Variants in TAX1BP1 observed in about 807,000 individuals in gnomAD.
TAX1BP1 encodes the protein Tax1 binding protein 1.
TAX1BP1 carries 62 observed loss-of-function variants against 97.7 expected under a neutral mutation model. That is an observed-to-expected ratio of 0.63 (90% CI 0.52 to 0.78). TAX1BP1 has a LOEUF of 0.78. TAX1BP1 is among the 30% of genes least tolerant of loss of function. The pLI is 0.00. For missense variants in TAX1BP1, 867 were observed against 916.1 expected (o/e 0.95, Z 0.69); for synonymous variants, 340 against 304.2 (o/e 1.12, Z -1.23).
In TAX1BP1 at chr7:27,794,442, T is replaced by C. The variant is rs773949427; in HGVS notation, c.1530T>C (p.Ser510=). The C allele has an allele frequency of 1.2e-6, 2 of 1,603,726 alleles. No individual in the cohort carries two copies. Among genetic ancestry groups the C allele is most frequent in the South Asian group, 2.3e-5 (2 of 88,520 alleles). ...CTGTAGATGTAAAGCCATCACCTTC[T>C]GCAGGTAAAAATCTTTTAGACTTTT... The part of the protein sequence containing the change: ...ASTVDVKPSP[S]AAEADFDIVT... The change falls in exon 11 of 17, where the codon TCT becomes TCC. Residue 510 remains serine (S), a synonymous_variant. Transcript: ENST00000396319.
chr7:27,828,877 A>AC lies in TAX1BP1; in HGVS notation c.*48_*49insC. 3 of 1,493,476 alleles carry AC rather than the reference A, an allele frequency of 2.0e-6. No homozygotes were observed. The highest frequency in any genetic ancestry group is 2.7e-6 in the Non-Finnish European group (3 of 1,103,148). The allele number at this position is 1,493,476 out of a possible 1,614,324, so 92.5% of individuals were successfully genotyped here. On this transcript the variant is annotated 3_prime_UTR_variant, in exon 17 of 17. Coordinates refer to ENST00000396319, the MANE Select transcript of TAX1BP1 (RefSeq NM_006024.7). The stretch of plus-strand genomic sequence containing the variant: ...ATAGTTTAGCAGTAAAAAAAAAAAA[A>AC]AAAACCACACCTAAAATAGACCACT...
At chr7:27,750,743 T>C (rs1317111220) in intron 2 of TAX1BP1, among the ~76,000 whole-genome samples, 1 of 152,228 alleles carries the variant, frequency 6.6e-6, no homozygotes, top group Non-Finnish European at 1.5e-5. Flanking sequence ...CTTATATTTT[T>C]TCATTTTTTT....
chr7:27,799,265 A>G (rs999844845), intron 12 of TAX1BP1, among the ~76,000 whole-genome samples: 26 of 152,230 alleles, frequency 1.7e-4, no homozygotes, highest in Non-Finnish European at 3.4e-4. Context: ...AATTGCTCAA[A>G]GTATATTTTT....
chr7:27,793,945 G>A (rs528238219), intron 10 of TAX1BP1, among the ~76,000 whole-genome samples: 11 of 152,344 alleles, frequency 7.2e-5, no homozygotes, highest in Admixed American at 5.9e-4. Flanking sequence ...AGGAATGCAT[G>A]TAGTAAAGTA....
chr7:27,808,771 T>C (rs1232439673), intron 13 of TAX1BP1, among the ~76,000 whole-genome samples: 1 of 152,198 alleles, frequency 6.6e-6, no homozygotes, highest in East Asian at 1.9e-4. Flanking sequence ...CAGTAAGAGA[T>C]GACTACTTCT....
At chr7:27,790,424 G>A (rs112540388) in intron 8 of TAX1BP1, among the ~76,000 whole-genome samples, 3 of 151,614 alleles carry the variant, frequency 2.0e-5, no homozygotes, top group African/African-American at 7.3e-5. Flanking sequence ...GGGTCAATGA[G>A]TATTTAAATT....
chr7:27,791,980 C>T (rs748596874), intron 8 of TAX1BP1, 26 bp from the exon 9 acceptor site: 1 of 1,604,418 alleles, frequency 6.2e-7, no homozygotes, highest in Non-Finnish European at 8.5e-7. Flanking sequence ...GGTTGAATTA[C>T]AAATATATTT....
intron 10 of TAX1BP1, among the ~76,000 whole-genome samples, chr7:27,793,537 C>G (rs1789798583): frequency 6.6e-6 from 1 of 152,162 alleles, no homozygotes; most frequent in South Asian, 2.1e-4. Context: ...ACCATGACAT[C>G]TATCCTCATT....
intron 16 of TAX1BP1, 131 bp downstream of exon 16, chr7:27,827,951 G>C (rs1338485946): frequency 1.5e-6 from 1 of 673,986 alleles, no homozygotes; most frequent in Non-Finnish European, 2.5e-6. Flanking sequence ...ACCAGGCGTA[G>C]GCCCAGCAAT....
intron 7 of TAX1BP1, among the ~76,000 whole-genome samples, chr7:27,785,714 A>C (rs1328827017): frequency 1.3e-5 from 2 of 152,194 alleles, no homozygotes; most frequent in East Asian, 3.9e-4. Flanking sequence ...GGCTTTTGGC[A>C]GGAGAACCTT....
chr7:27,816,615 C>A, intron 14 of TAX1BP1, 95 bp downstream of exon 14: 8 of 1,112,432 alleles, frequency 7.2e-6, no homozygotes, highest in Non-Finnish European at 1.0e-5. Flanking sequence ...GTATAATCAA[C>A]CCTAATACAA....
At chr7:27,783,651 G>A (rs944161826) in intron 5 of TAX1BP1, among the ~76,000 whole-genome samples, 7 of 152,062 alleles carry the variant, frequency 4.6e-5, no homozygotes, top group African/African-American at 1.7e-4. Context: ...CTGTATACCC[G>A]TTATAGGGCT....
intron 5 of TAX1BP1, among the ~76,000 whole-genome samples, chr7:27,772,734 G>C (rs1788891598): frequency 6.6e-6 from 1 of 152,006 alleles, no homozygotes; most frequent in Non-Finnish European, 1.5e-5. Flanking sequence ...CAACAGATTG[G>C]TTTAAATTAT....
At chr7:27,775,464 CT>C (rs1259736962) in intron 5 of TAX1BP1, among the ~76,000 whole-genome samples, 1 of 152,096 alleles carries the variant, frequency 6.6e-6, no homozygotes, top group African/African-American at 2.4e-5. Context: ...GGAGTTCTTT[CT>C]GATAAATGGA....
intron 14 of TAX1BP1, 134 bp from the exon 15 acceptor site, chr7:27,816,756 T>C (rs1422974096): frequency 1.7e-6 from 2 of 1,176,988 alleles, no homozygotes; most frequent in Non-Finnish European, 2.4e-6. Flanking sequence ...AAAAATCACC[T>C]GGGTTAAAAA....
At chr7:27,804,982 T>G (rs1323991726) in intron 13 of TAX1BP1, among the ~76,000 whole-genome samples, 1 of 152,210 alleles carries the variant, frequency 6.6e-6, no homozygotes, top group African/African-American at 2.4e-5. Context: ...CAATGAATGA[T>G]TCTATGCACA....
chr7:27,803,324 A>G (rs1235459794), intron 13 of TAX1BP1: 1 of 840,796 alleles, frequency 1.2e-6, no homozygotes, highest in Non-Finnish European at 1.7e-6. Flanking sequence ...AATTACGTGA[A>G]ATGTTTATCT....
intron 9 of TAX1BP1, 27 bp from the exon 10 acceptor site, chr7:27,793,039 T>G (rs1372628242): frequency 6.4e-7 from 1 of 1,567,968 alleles, no homozygotes; most frequent in African/African-American, 1.4e-5. Flanking sequence ...TTTTTATTTT[T>G]TTCTTCAAAT....
intron 2 of TAX1BP1, 107 bp downstream of exon 2, chr7:27,748,793 T>G: frequency 1.3e-6 from 1 of 781,046 alleles, no homozygotes; most frequent in Non-Finnish European, 1.8e-6. Flanking sequence ...TAAGACTCAT[T>G]TTTGTAAACA....
Sources: gnomAD v4.1 joint callset for allele counts (sites outside exome capture counted in the v4.1 genomes callset) on GRCh38, gnomAD v4.1.1 for gene constraint, MANE v1.5 for transcripts, NCBI Gene and HGNC (gene_info 2026-07-23, HGNC 2026-07-21) for gene names.